CSMD1: variants seen among roughly 807,000 people sequenced by gnomAD.
CSMD1 encodes the protein CUB and Sushi multiple domains 1.
CSMD1 carries 213 observed loss-of-function variants against 417.5 expected under a neutral mutation model. The ratio of observed to expected loss-of-function variants is 0.51; its 90% CI spans 0.46 to 0.57. The LOEUF (loss-of-function observed/expected upper bound fraction) is 0.57. CSMD1 is among the 20% of genes least tolerant of loss of function. The pLI, the probability that CSMD1 is intolerant of heterozygous loss-of-function variation, is 0.00. For missense variants in CSMD1, 6,923 were observed against 4,529.7 expected (o/e 1.53, Z -15.17); for synonymous variants, 2,862 against 1,736.8 (o/e 1.65, Z -16.11).
chr8:3,664,670 T>C lies in CSMD1; in HGVS notation c.1009+43744A>G, dbSNP rs548386973. ...CAGGAGCATCTTTTCTCATTGCTTTTGCATCAAGAAGCTGAAAAGAGCTGG... is the reference window on the plus strand; with the variant it reads ...CAGGAGCATCTTTTCTCATTGCTTTCGCATCAAGAAGCTGAAAAGAGCTGG... On this transcript the variant is annotated intron_variant, in intron 7 of 69. Transcript: ENST00000635120. Among the ~76,000 whole-genome samples, 33 of 152,368 alleles carry C rather than the reference T, an allele frequency of 2.2e-4. No individual in the cohort carries two copies. In the South Asian group the frequency reaches 6.4e-3, roughly 30 times the overall value.
In CSMD1 at chr8:4,643,947, C is replaced by T. The variant is rs567904003; in HGVS notation, c.86-6389G>A. 8.5e-5 allele frequency among the ~76,000 whole-genome samples: 13 copies of T among 152,346 alleles called. No homozygotes were observed. The East Asian group carries it at 2.1e-3, about 25-fold the overall frequency. On this transcript the variant is annotated intron_variant, in intron 1 of 69. Transcript: ENST00000635120. ...TCAGATCACCTGGAGCTACTGACAT[C>T]AGCCACTCTGGCTCAGCGCCCTAGG... is the stretch of plus-strand genomic sequence containing the variant.
intron 50 of CSMD1, among the ~76,000 whole-genome samples, chr8:3,037,473 C>T (rs899104870): frequency 6.6e-6 from 1 of 152,080 alleles, no homozygotes; most frequent in African/African-American, 2.4e-5. Flanking sequence ...CTCCCTATAC[C>T]GCACTTTCTT....
chr8:4,021,755 A>G (rs926930552), intron 4 of CSMD1, among the ~76,000 whole-genome samples: 5 of 152,122 alleles, frequency 3.3e-5, no homozygotes, highest in Admixed American at 6.6e-5. Context: ...CCCCTCCCCA[A>G]TAATCTTTAT....
At chr8:3,434,459 T>C (rs566357785) in intron 12 of CSMD1, among the ~76,000 whole-genome samples, 1 of 152,184 alleles carries the variant, frequency 6.6e-6, no homozygotes, top group African/African-American at 2.4e-5. Context: ...TTAAAGAAAA[T>C]AGTATCCCTG....
intron 1 of CSMD1, among the ~76,000 whole-genome samples, chr8:4,667,440 GA>G (rs200681585): frequency 2.2e-4 from 31 of 141,474 alleles, no homozygotes; most frequent in East Asian, 4.1e-4. Context: ...GAACAATTTA[GA>G]AAAAAAAAAA....
chr8:4,613,841 G>A (rs1399545374), intron 2 of CSMD1, among the ~76,000 whole-genome samples: 4 of 139,878 alleles, frequency 2.9e-5, no homozygotes, highest in Admixed American at 7.3e-5. Context: ...ATTTTTGAAA[G>A]CAGAAGGCTG....
At chr8:4,596,335 C>T (rs544065590) in intron 2 of CSMD1, among the ~76,000 whole-genome samples, 99 of 152,200 alleles carry the variant, frequency 6.5e-4, no homozygotes, top group Non-Finnish European at 1.1e-3. Flanking sequence ...GGTTCAAAAA[C>T]GAAACCTCCT....
intron 10 of CSMD1, among the ~76,000 whole-genome samples, chr8:3,569,472 G>C (rs1160558842): frequency 6.6e-6 from 1 of 152,128 alleles, no homozygotes; most frequent in African/African-American, 2.4e-5. Context: ...AGTTTGTATT[G>C]ACTAAGAGAG....
chr8:4,252,582 T>G (rs1040674976), intron 3 of CSMD1, among the ~76,000 whole-genome samples: 2 of 152,208 alleles, frequency 1.3e-5, no homozygotes, highest in East Asian at 1.9e-4. Context: ...ACCTACACAA[T>G]GTCTACTCTC....
At chr8:4,608,533 G>A (rs187266060) in intron 2 of CSMD1, among the ~76,000 whole-genome samples, 1 of 152,156 alleles carries the variant, frequency 6.6e-6, no homozygotes, top group Admixed American at 6.5e-5. Context: ...CATAAGAGAC[G>A]CCAGTACTGT....
At chr8:3,439,309 A>ATATATATATATATATATTTTTTTT in intron 12 of CSMD1, among the ~76,000 whole-genome samples, 5 of 62,444 alleles carry the variant, frequency 8.0e-5, no homozygotes, top group African/African-American at 2.7e-4. Context: ...ATATATATAT[A>ATATATATATATATATATTTTTTTT]TTTTTTTTTT....
chr8:4,753,405 A>G (rs1673252), intron 1 of CSMD1, among the ~76,000 whole-genome samples: 196 of 2,266 alleles, frequency 0.086, 2 homozygotes, highest in Middle Eastern at 0.25. Context: ...ACCATAAACC[A>G]CACACACACA....
At chr8:3,870,282 C>G (rs1016300366) in intron 5 of CSMD1, among the ~76,000 whole-genome samples, 1 of 152,110 alleles carries the variant, frequency 6.6e-6, no homozygotes. Flanking sequence ...GTGTTACATA[C>G]CAATATTTCC....
intron 10 of CSMD1, among the ~76,000 whole-genome samples, chr8:3,494,084 CAT>C (rs1796260310): frequency 6.6e-6 from 1 of 152,112 alleles, no homozygotes; most frequent in Non-Finnish European, 1.5e-5. Flanking sequence ...TAGTTAATGA[CAT>C]ATATTTTTAC....
chr8:4,972,639 C>T (rs1810310919), intron 1 of CSMD1, among the ~76,000 whole-genome samples: 3 of 152,124 alleles, frequency 2.0e-5, no homozygotes, highest in Non-Finnish European at 2.9e-5. Flanking sequence ...TGAACTAATA[C>T]AGACACTAAG....
chr8:3,695,246 A>T (rs1800485759), intron 7 of CSMD1, among the ~76,000 whole-genome samples: 1 of 152,306 alleles, frequency 6.6e-6, no homozygotes, highest in Admixed American at 6.5e-5. Context: ...ACTTTGGAAC[A>T]TGGGCAAGGA....
intron 1 of CSMD1, among the ~76,000 whole-genome samples, chr8:4,955,139 A>T (rs13261975): frequency 0.16 from 24,935 of 152,090 alleles, 2,620 homozygotes; most frequent in Non-Finnish European, 0.24. Flanking sequence ...CTGCACCTCC[A>T]GTTCCCTATA....
chr8:3,755,081 C>A (rs936017206), intron 5 of CSMD1, among the ~76,000 whole-genome samples: 2 of 152,240 alleles, frequency 1.3e-5, no homozygotes, highest in Non-Finnish European at 2.9e-5. Context: ...TTATTTCTCA[C>A]TATTGAAAAC....
chr8:4,782,092 T>C (rs1334547784), intron 1 of CSMD1, among the ~76,000 whole-genome samples: 1 of 152,206 alleles, frequency 6.6e-6, no homozygotes, highest in African/African-American at 2.4e-5. Flanking sequence ...AGCTAGGCTA[T>C]GCCTTTTAAA....
Sources: allele counts gnomAD v4.1 joint callset (sites outside exome capture counted in the v4.1 genomes callset), GRCh38; gene constraint gnomAD v4.1.1; transcripts MANE v1.5; gene names NCBI Gene and HGNC (gene_info 2026-07-23, HGNC 2026-07-21).